The following SMCO4 variants were observed in gnomAD, a reference collection of about 807,000 sequenced individuals.
SMCO4 encodes single-pass membrane protein with coiled-coil domains 4, also known as single-pass membrane and coiled-coil domain-containing protein 4.
SMCO4 carries 4 observed loss-of-function variants against 3.6 expected under a neutral mutation model. The observed-to-expected ratio is 1.11, with a 90% CI of 0.54 to 2.53. The LOEUF (loss-of-function observed/expected upper bound fraction) is 2.53, where lower values mean the gene tolerates loss of function less well. Ranked by LOEUF, SMCO4 falls within the 30% of genes most tolerant of loss-of-function variation. The pLI, the probability that SMCO4 is intolerant of heterozygous loss-of-function variation, is 0.02. For synonymous variants in SMCO4, 36 were observed against 35.3 expected (o/e 1.02, Z -0.07); for missense variants, 70 against 80.8 (o/e 0.87, Z 0.51).
intron 1 of SMCO4, among the ~76,000 whole-genome samples, chr11:93,525,105 T>C (rs1473408961): frequency 6.6e-6 from 1 of 151,890 alleles, no homozygotes; most frequent in Non-Finnish European, 1.5e-5. Flanking sequence ...CAGAATACCC[T>C]CTCCCAGGGC....
chr11:93,501,089 A>G (rs1948833297), intron 1 of SMCO4, among the ~76,000 whole-genome samples: 1 of 152,136 alleles, frequency 6.6e-6, no homozygotes. Context: ...GACCTATAGC[A>G]CTTTCTCTCA....
At chr11:93,509,633 C>A (rs117367737) in intron 1 of SMCO4, among the ~76,000 whole-genome samples, 3 of 152,246 alleles carry the variant, frequency 2.0e-5, no homozygotes, top group Non-Finnish European at 4.4e-5. Context: ...AAGACTACTG[C>A]GTCATAATAA....
At position 93,479,142 on chromosome 11, in the gene SMCO4, C is replaced by T. The variant is rs746715784; in HGVS notation, c.48G>A (p.Lys16=). ...CCTGCATGGCTTGCTTCCGCTCCTT[C>T]TTGTCCTTGGAGGTCTCCTTCTTGG... ...GKPKKETSKD[K]KERKQAMQEA... The change falls in exon 3 of 3, where the codon AAG becomes AAA. Residue 16 remains lysine, a synonymous_variant. Transcript: ENST00000298966. 2.5e-6 allele frequency: 4 copies of T among 1,614,118 alleles called. No homozygotes were observed. The African/African-American group carries it at 4.0e-5, about 16-fold the overall frequency.
At chr11:93,536,523 T>G (rs889969183) in intron 1 of SMCO4, among the ~76,000 whole-genome samples, 1 of 152,178 alleles carries the variant, frequency 6.6e-6, no homozygotes, top group East Asian at 1.9e-4. Context: ...AAATATACTA[T>G]GTGAAAAAAG....
At chr11:93,505,187 A>G (rs1355982250) in intron 1 of SMCO4, among the ~76,000 whole-genome samples, 1 of 152,222 alleles carries the variant, frequency 6.6e-6, no homozygotes, top group Non-Finnish European at 1.5e-5. Flanking sequence ...GAACGTTGAG[A>G]GGAAGACCTA....
chr11:93,521,227 C>G (rs929650857), intron 1 of SMCO4, among the ~76,000 whole-genome samples: 2 of 152,194 alleles, frequency 1.3e-5, no homozygotes, highest in African/African-American at 2.4e-5. Context: ...ATTAGAGCTA[C>G]AAGTTTAGAT....
At chr11:93,544,243 A>C (rs1436502105), upstream of SMCO4, among the ~76,000 whole-genome samples, 1 of 152,170 alleles carries the variant, frequency 6.6e-6, no homozygotes, top group Non-Finnish European at 1.5e-5. Context: ...GTGGTATGTA[A>C]ATGGTAGTTA....
chr11:93,533,945 T>C (rs1949187648), intron 1 of SMCO4, among the ~76,000 whole-genome samples: 1 of 151,982 alleles, frequency 6.6e-6, no homozygotes, highest in African/African-American at 2.4e-5. Context: ...CCAACACTTG[T>C]GGAGGCCAAG....
intron 1 of SMCO4, among the ~76,000 whole-genome samples, chr11:93,503,417 C>A (rs557749843): frequency 6.6e-6 from 1 of 152,146 alleles, no homozygotes; most frequent in African/African-American, 2.4e-5. Flanking sequence ...TCCCACAACA[C>A]GTGGGAATTA....
At chr11:93,515,669 A>C (rs1472919106) in intron 1 of SMCO4, among the ~76,000 whole-genome samples, 1 of 152,200 alleles carries the variant, frequency 6.6e-6, no homozygotes, top group Admixed American at 6.5e-5. Context: ...GCAGCAAGCC[A>C]GCTTTCTCCT....
At chr11:93,487,886 A>G (rs1407526503) in intron 2 of SMCO4, among the ~76,000 whole-genome samples, 1 of 152,282 alleles carries the variant, frequency 6.6e-6, no homozygotes, top group African/African-American at 2.4e-5. Context: ...GTTGTCAAAC[A>G]AAGATAAAAG....
the SMCO4 span, among the ~76,000 whole-genome samples, chr11:93,552,441 C>T: frequency 1.2e-5 from 1 of 80,882 alleles, no homozygotes; most frequent in Non-Finnish European, 2.7e-5. Flanking sequence ...TGCCCAGCCA[C>T]GTTATTATTA....
chr11:93,505,621 A>G lies in SMCO4; in HGVS notation c.-153-6273T>C, dbSNP rs11020385. On this transcript the variant is annotated intron_variant, in intron 1 of 2. Coordinates refer to ENST00000298966, the MANE Select transcript of SMCO4 (RefSeq NM_020179.3). Reference sequence around the variant, plus strand: ...AGTTATTCAGCTTTGGAAATGCTACATTCTATAGCCTCCCATTCCCCTTAA... The same window carrying G: ...AGTTATTCAGCTTTGGAAATGCTACGTTCTATAGCCTCCCATTCCCCTTAA... Among the ~76,000 whole-genome samples, 765 of 152,334 alleles carry G rather than the reference A, an allele frequency of 5.0e-3. 34 individuals carry two copies. The East Asian group carries it at 0.073, about 14-fold the overall frequency.
chr11:93,514,745 T>C (rs1334849056), intron 1 of SMCO4, among the ~76,000 whole-genome samples: 1 of 152,168 alleles, frequency 6.6e-6, no homozygotes, highest in Non-Finnish European at 1.5e-5. Flanking sequence ...TCATTCCCTT[T>C]AGTTGCAAAT....
chr11:93,499,702 C>G (rs1948816125), intron 1 of SMCO4, among the ~76,000 whole-genome samples: 1 of 152,138 alleles, frequency 6.6e-6, no homozygotes, highest in African/African-American at 2.4e-5. Context: ...CATGGCTGTT[C>G]CCTGCAATCA....
At chr11:93,507,713 C>G (rs534567865) in intron 1 of SMCO4, among the ~76,000 whole-genome samples, 3 of 152,174 alleles carry the variant, frequency 2.0e-5, no homozygotes, top group Non-Finnish European at 4.4e-5. Context: ...ACACCTGGGT[C>G]AAGTTCTGAT....
chr11:93,496,590 T>C (rs10466368), intron 2 of SMCO4, among the ~76,000 whole-genome samples: 123,476 of 151,954 alleles, frequency 0.81, 50,583 homozygotes, highest in East Asian at 0.9. Context: ...GACCCCTGTC[T>C]ATCCTCTCAT....
At chr11:93,518,707 G>T (rs1361148252) in intron 1 of SMCO4, among the ~76,000 whole-genome samples, 1 of 152,162 alleles carries the variant, frequency 6.6e-6, no homozygotes, top group Non-Finnish European at 1.5e-5. Context: ...AAGGCTAAGA[G>T]AAAAGATATG....
At chr11:93,534,289 CACACACATATATATACATATAT>C (rs1239059376) in intron 1 of SMCO4, among the ~76,000 whole-genome samples, 2 of 147,588 alleles carry the variant, frequency 1.4e-5, no homozygotes, top group Non-Finnish European at 3.0e-5. Flanking sequence ...CATATATACA[CACACACATATATATACATATAT>C]ACACATATAT....
Sources: gnomAD v4.1 joint callset for allele counts (sites outside exome capture counted in the v4.1 genomes callset) on GRCh38, gnomAD v4.1.1 for gene constraint, MANE v1.5 for transcripts, NCBI Gene and HGNC (gene_info 2026-07-23, HGNC 2026-07-21) for gene names.